Variants in NLGN4X observed in about 807,000 individuals in gnomAD.
NLGN4X encodes neuroligin-4, X-linked.
A neutral mutation model predicts 40.3 loss-of-function variants in NLGN4X; 3 were observed. The observed-to-expected ratio is 0.07, with a 90% confidence interval of 0.03 to 0.19. The LOEUF (loss-of-function observed/expected upper bound fraction) is 0.19. Among genes scored for constraint, NLGN4X ranks in the 10% least tolerant of loss-of-function variants. The probability of loss-of-function intolerance (pLI) is 1.00; values close to 1 mark genes in which losing one functional copy is unlikely to be tolerated. For missense variants in NLGN4X, 382 were observed against 708.3 expected (o/e 0.54, Z 5.23); for synonymous variants, 270 against 306.8 (o/e 0.88, Z 1.25).
At chrX:6,042,130 G>C (rs779821793) in intron 2 of NLGN4X, among the ~76,000 whole-genome samples, 2 of 112,028 alleles carry the variant, frequency 1.8e-5, no homozygotes, top group Non-Finnish European at 3.8e-5. Flanking sequence ...ATGCTTCATT[G>C]TAATAATGGA....
chrX:5,910,292 T>A (rs974626252), intron 3 of NLGN4X, among the ~76,000 whole-genome samples: 1 of 110,169 alleles, frequency 9.1e-6, no homozygotes, highest in Non-Finnish European at 1.9e-5. Flanking sequence ...CTGTACTGGA[T>A]ATGCCTTCCA....
At chrX:6,103,316 G>C (rs1246544928) in intron 2 of NLGN4X, among the ~76,000 whole-genome samples, 8 of 111,821 alleles carry the variant, frequency 7.2e-5, no homozygotes, top group African/African-American at 2.6e-4. Flanking sequence ...TCTCCCTGGA[G>C]TTCCTCTCCA....
intron 3 of NLGN4X, among the ~76,000 whole-genome samples, chrX:6,021,290 G>C (rs963594902): frequency 9.2e-6 from 1 of 108,455 alleles, no homozygotes; most frequent in African/African-American, 3.4e-5. Context: ...CTGATGTCTC[G>C]CTTGTTGTTG....
At chrX:6,198,063 C>CAA (rs555036899) in intron 1 of NLGN4X, among the ~76,000 whole-genome samples, 5,333 of 94,534 alleles carry the variant, frequency 0.056, 229 homozygotes, top group East Asian at 0.14. Context: ...AGCCCTGTCT[C>CAA]AAAAAACAAA....
intron 2 of NLGN4X, among the ~76,000 whole-genome samples, chrX:6,081,354 C>T (rs1218599786): frequency 8.9e-6 from 1 of 112,033 alleles, no homozygotes; most frequent in African/African-American, 3.2e-5. Flanking sequence ...TGGTCTCAAG[C>T]GATTTTCCTG....
chrX:6,090,627 A>C (rs2038612968), intron 2 of NLGN4X, among the ~76,000 whole-genome samples: 1 of 112,319 alleles, frequency 8.9e-6, no homozygotes, highest in Non-Finnish European at 1.9e-5. Flanking sequence ...TTGTAAAAAC[A>C]CTAGTGTCTT....
chrX:6,187,962 T>G (rs1280807827), intron 1 of NLGN4X, among the ~76,000 whole-genome samples: 1 of 112,337 alleles, frequency 8.9e-6, no homozygotes, highest in East Asian at 2.8e-4. Context: ...GTCGGGGAAA[T>G]TTTTGAATAA....
At chrX:5,896,596 T>C (rs1001511414) in intron 5 of NLGN4X, among the ~76,000 whole-genome samples, 4 of 112,313 alleles carry the variant, frequency 3.6e-5, no homozygotes, top group African/African-American at 1.3e-4. Context: ...CATTTCCACC[T>C]GTCCTGTTTT....
intron 1 of NLGN4X, among the ~76,000 whole-genome samples, chrX:6,222,436 A>G (rs1040578401): frequency 1.8e-5 from 2 of 112,018 alleles, no homozygotes; most frequent in Non-Finnish European, 3.8e-5. Flanking sequence ...ATTTCTTTAT[A>G]TAATATACAT....
intron 2 of NLGN4X, among the ~76,000 whole-genome samples, chrX:6,136,083 C>A (rs1053996968): frequency 5.4e-5 from 6 of 111,307 alleles, no homozygotes; most frequent in Non-Finnish European, 1.1e-4. Flanking sequence ...TTTTTAGAAA[C>A]AAGGTCTTGC....
intron 2 of NLGN4X, among the ~76,000 whole-genome samples, chrX:6,115,289 G>A (rs1022090972): frequency 2.0e-4 from 22 of 111,643 alleles, no homozygotes; most frequent in African/African-American, 6.2e-4. Context: ...ACAGGATCAC[G>A]GTGGCACATA....
chrX:6,135,960 G>A (rs1375979386), intron 2 of NLGN4X, among the ~76,000 whole-genome samples: 1 of 112,304 alleles, frequency 8.9e-6, no homozygotes, highest in African/African-American at 3.2e-5. Flanking sequence ...CTAACTAATT[G>A]TTCCTAAGTA....
intron 3 of NLGN4X, among the ~76,000 whole-genome samples, chrX:5,941,284 T>A (rs531575643): frequency 2.9e-5 from 3 of 105,192 alleles, no homozygotes; most frequent in African/African-American, 1.0e-4. Context: ...GAAATAGCAA[T>A]TAAAAGTCCT....
At chrX:5,925,802 A>G (rs1306141658) in intron 3 of NLGN4X, among the ~76,000 whole-genome samples, 1 of 92,254 alleles carries the variant, frequency 1.1e-5, no homozygotes, top group Non-Finnish European at 2.1e-5. Flanking sequence ...TGATAATTAC[A>G]TTCAGTTGGT....
chrX:6,111,679 A>G (rs1386594674), intron 2 of NLGN4X, among the ~76,000 whole-genome samples: 1 of 111,411 alleles, frequency 9.0e-6, no homozygotes, highest in Non-Finnish European at 1.9e-5. Flanking sequence ...CCAGGAAGTC[A>G]AGGCTACAGT....
At chrX:6,043,211 T>C (rs894655305) in intron 2 of NLGN4X, among the ~76,000 whole-genome samples, 12 of 108,084 alleles carry the variant, frequency 1.1e-4, no homozygotes, top group African/African-American at 4.1e-4. Flanking sequence ...CTGTCAGAAG[T>C]TATTAGGTTT....
intron 3 of NLGN4X, among the ~76,000 whole-genome samples, chrX:5,980,256 C>T (rs989188701): frequency 9.2e-6 from 1 of 109,045 alleles, no homozygotes; most frequent in African/African-American, 3.3e-5. Flanking sequence ...TGTATGCATA[C>T]ATTTATACTG....
chrX:6,071,823 G>A (rs1473487268), intron 2 of NLGN4X, among the ~76,000 whole-genome samples: 2 of 111,284 alleles, frequency 1.8e-5, no homozygotes, highest in East Asian at 5.7e-4. Context: ...GGCTGCTGGG[G>A]AGCATAAAAG....
intron 3 of NLGN4X, among the ~76,000 whole-genome samples, chrX:5,944,834 A>G (rs1026206081): frequency 2.7e-5 from 3 of 111,493 alleles, no homozygotes; most frequent in Non-Finnish European, 5.6e-5. Flanking sequence ...GTTTGGAGCT[A>G]GAAGACAGAA....
Sources: allele counts gnomAD v4.1 joint callset (sites outside exome capture counted in the v4.1 genomes callset), GRCh38; gene constraint gnomAD v4.1.1; transcripts MANE v1.5; gene names NCBI Gene and HGNC (gene_info 2026-07-23, HGNC 2026-07-21).